Variants in CPAP observed in about 807,000 individuals in gnomAD.
CPAP encodes centrosomal P4.1-associated protein.
the CPAP span, among the ~76,000 whole-genome samples, chr13:24,889,966 C>T: frequency 1.3e-5 from 2 of 152,150 alleles, no homozygotes; most frequent in African/African-American, 4.8e-5. Flanking sequence ...CTCAGCTCCA[C>T]ACCCCAATGG....
the CPAP span, among the ~76,000 whole-genome samples, chr13:24,929,590 T>C: frequency 1.3e-5 from 2 of 152,234 alleles, no homozygotes; most frequent in Non-Finnish European, 2.9e-5. Context: ...TATAATGCTA[T>C]TGTGAACTCT....
the CPAP span, among the ~76,000 whole-genome samples, chr13:24,891,045 C>T: frequency 3.3e-5 from 5 of 151,646 alleles, no homozygotes; most frequent in South Asian, 2.1e-4. Flanking sequence ...AGCTGTTATC[C>T]GCTCCCAGCC....
chr13:24,898,910 C>T, the CPAP span, among the ~76,000 whole-genome samples: 4 of 152,076 alleles, frequency 2.6e-5, no homozygotes, highest in East Asian at 1.9e-4. Flanking sequence ...TAGTAATCTT[C>T]GTATATGCCA....
chr13:24,906,115 G>A, the CPAP span: 3 of 1,612,930 alleles, frequency 1.9e-6, no homozygotes, highest in Non-Finnish European at 2.5e-6. Context: ...GTGCAGTGTG[G>A]TCCAAATCCT....
At chr13:24,900,988 A>G in the CPAP span, among the ~76,000 whole-genome samples, 16 of 152,196 alleles carry the variant, frequency 1.1e-4, no homozygotes, top group African/African-American at 3.9e-4. Flanking sequence ...TGATCAATTT[A>G]AACACTCATC....
At chr13:24,933,009 G>T in the CPAP span, 1 of 1,579,466 alleles carries the variant, frequency 6.3e-7, no homozygotes, top group Non-Finnish European at 8.7e-7. Context: ...ACAGGATGGT[G>T]ATGGGAATCT....
At chr13:24,904,760 C>T in the CPAP span, among the ~76,000 whole-genome samples, 1 of 152,046 alleles carries the variant, frequency 6.6e-6, no homozygotes, top group Non-Finnish European at 1.5e-5. Flanking sequence ...TGAAAATTAA[C>T]GTTATAATTT....
chr13:24,887,341 A>G, the CPAP span, among the ~76,000 whole-genome samples: 1 of 152,214 alleles, frequency 6.6e-6, no homozygotes, highest in African/African-American at 2.4e-5. Flanking sequence ...ACTGGGCCAC[A>G]CAGCAGGAGA....
the CPAP span, among the ~76,000 whole-genome samples, chr13:24,929,753 G>C: frequency 6.6e-6 from 1 of 152,016 alleles, no homozygotes; most frequent in Non-Finnish European, 1.5e-5. Flanking sequence ...TCATGCATAT[G>C]CTGGTACACT....
chr13:24,882,826 CTGA>C, the CPAP span: 1 of 302,860 alleles, frequency 3.3e-6, no homozygotes, highest in South Asian at 3.3e-5. Flanking sequence ...TGCTCTACGG[CTGA>C]TGTGTCTGTG....
chr13:24,907,556 A>C, the CPAP span, among the ~76,000 whole-genome samples: 1 of 151,386 alleles, frequency 6.6e-6, no homozygotes, highest in South Asian at 2.1e-4. Context: ...CAATAATCAG[A>C]AAAGTCATTT....
At chr13:24,911,991 G>A in the CPAP span, 2 of 1,614,082 alleles carry the variant, frequency 1.2e-6, no homozygotes, top group Non-Finnish European at 1.7e-6. Context: ...AGCTTCTCTT[G>A]TTCTTCCATG....
At chr13:24,904,056 C>T in the CPAP span, 2 of 1,613,796 alleles carry the variant, frequency 1.2e-6, no homozygotes, top group Non-Finnish European at 1.7e-6. Flanking sequence ...CGAGCATTGT[C>T]ACCTATGAAA....
At chr13:24,913,010 T>C in the CPAP span, 94 of 1,613,850 alleles carry the variant, frequency 5.8e-5, no homozygotes, top group Middle Eastern at 1.6e-4. Flanking sequence ...TCTGAAGAGG[T>C]TGGCATCAGG....
At chr13:24,904,161 G>A in the CPAP span, 1 of 1,318,490 alleles carries the variant, frequency 7.6e-7, no homozygotes, top group African/African-American at 1.5e-5. Flanking sequence ...GCAAACATCT[G>A]TGCTATTAAA....
the CPAP span, chr13:24,884,290 A>C: frequency 6.2e-7 from 1 of 1,613,980 alleles, no homozygotes; most frequent in Non-Finnish European, 8.5e-7. Flanking sequence ...AGAGATGGTT[A>C]AACTATGGAG....
the CPAP span, among the ~76,000 whole-genome samples, chr13:24,902,156 A>G: frequency 3.9e-5 from 6 of 152,148 alleles, no homozygotes; most frequent in African/African-American, 1.2e-4. Context: ...TCATCTGTCA[A>G]TTGGGAAGGA....
chr13:24,906,105 G>A, the CPAP span: 17 of 1,612,656 alleles, frequency 1.1e-5, no homozygotes, highest in Admixed American at 8.3e-5. Flanking sequence ...TCCTTCTCAC[G>A]TGCAGTGTGG....
chr13:24,895,570 GAAAAGAAAAGAAA>G, the CPAP span, among the ~76,000 whole-genome samples: 36 of 151,342 alleles, frequency 2.4e-4, no homozygotes, highest in Non-Finnish European at 4.3e-4. Context: ...AGAAAAGAAA[GAAAAGAAAAGAAA>G]AAAAGGAAGG....
Sources: allele counts gnomAD v4.1 joint callset (sites outside exome capture counted in the v4.1 genomes callset), GRCh38; gene constraint gnomAD v4.1.1; transcripts MANE v1.5; gene names NCBI Gene and HGNC (gene_info 2026-07-23, HGNC 2026-07-21).